The following RBFOX1 variants were observed in gnomAD, a reference collection of about 807,000 sequenced individuals.
RBFOX1 encodes RNA binding protein fox-1 homolog 1.
In RBFOX1, 8 loss-of-function variants were observed where a neutral mutation model predicts 57.7. The observed-to-expected ratio is 0.14, with a 90% CI of 0.08 to 0.25. RBFOX1 has a LOEUF of 0.25. Ranked by LOEUF, RBFOX1 falls within the 10% of genes least tolerant of loss-of-function variation. The pLI, the probability that RBFOX1 is intolerant of heterozygous loss-of-function variation, is 1.00. For missense variants in RBFOX1, 611 were observed against 548.5 expected (o/e 1.11, Z -1.14); for synonymous variants, 326 against 222.4 (o/e 1.47, Z -4.15).
intron 4 of RBFOX1, among the ~76,000 whole-genome samples, chr16:7,296,911 T>A (rs2095904764): frequency 6.6e-6 from 1 of 152,174 alleles, no homozygotes. Flanking sequence ...GTGTTTCTGT[T>A]TACCCTCAAA....
intron 1 of RBFOX1, among the ~76,000 whole-genome samples, chr16:6,078,931 C>G (rs1054644823): frequency 6.6e-6 from 1 of 152,168 alleles, no homozygotes; most frequent in African/African-American, 2.4e-5. Context: ...TCACAGCATC[C>G]CAGTTCATGA....
At chr16:6,630,930 A>T (rs1255910219) in intron 2 of RBFOX1, among the ~76,000 whole-genome samples, 1 of 152,146 alleles carries the variant, frequency 6.6e-6, no homozygotes, top group Non-Finnish European at 1.5e-5. Context: ...GACTTCAATT[A>T]AAAAAATGTT....
intron 3 of RBFOX1, among the ~76,000 whole-genome samples, chr16:7,039,463 A>C (rs906227924): frequency 6.6e-6 from 1 of 152,202 alleles, no homozygotes; most frequent in African/African-American, 2.4e-5. Context: ...AACATGAGAC[A>C]GAATCAAGTT....
chr16:7,169,817 C>T (rs2080317574), intron 4 of RBFOX1, among the ~76,000 whole-genome samples: 1 of 42,462 alleles, frequency 2.4e-5, no homozygotes, highest in South Asian at 1.6e-3. Flanking sequence ...TGCCTGTAAT[C>T]CCTGCACTTT....
chr16:6,838,106 A>G (rs775822603), intron 3 of RBFOX1, among the ~76,000 whole-genome samples: 1 of 151,590 alleles, frequency 6.6e-6, no homozygotes, highest in Non-Finnish European at 1.5e-5. Context: ...GGTTTGCTGC[A>G]CCTATCAACC....
chr16:6,924,697 A>G (rs138502370), intron 3 of RBFOX1, among the ~76,000 whole-genome samples: 2,134 of 151,680 alleles, frequency 0.014, 52 homozygotes, highest in African/African-American at 0.05. Context: ...TATTATTATT[A>G]TACTTTAAGT....
intron 4 of RBFOX1, among the ~76,000 whole-genome samples, chr16:7,196,492 T>C (rs1158889704): frequency 6.6e-6 from 1 of 152,184 alleles, no homozygotes; most frequent in Non-Finnish European, 1.5e-5. Context: ...TTCCCAAACA[T>C]TTAAGAGGCG....
intron 2 of RBFOX1, among the ~76,000 whole-genome samples, chr16:6,394,924 C>T (rs149184778): frequency 6.2e-4 from 94 of 152,286 alleles, no homozygotes; most frequent in African/African-American, 2.0e-3. Context: ...CTGTTTAAAA[C>T]CACTTTTGCT....
At chr16:5,914,618 C>T (rs530686014) in intron 4 of RBFOX1, among the ~76,000 whole-genome samples, 3 of 152,222 alleles carry the variant, frequency 2.0e-5, no homozygotes, top group East Asian at 1.9e-4. Context: ...GGAGAGAGGC[C>T]GGGCGAGGTG....
chr16:5,411,191 C>T (rs145636737), intron 1 of RBFOX1, among the ~76,000 whole-genome samples: 1 of 152,348 alleles, frequency 6.6e-6, no homozygotes, highest in African/African-American at 2.4e-5. Context: ...ACACCTTAAT[C>T]CCCAGAAAGT....
At chr16:5,597,435 G>C (rs532892316) in intron 2 of RBFOX1, among the ~76,000 whole-genome samples, 3 of 134,948 alleles carry the variant, frequency 2.2e-5, no homozygotes, top group Non-Finnish European at 4.6e-5. Context: ...TTTTGATCTC[G>C]TCGCTCAGGC....
At chr16:6,975,201 C>G (rs878869340) in intron 3 of RBFOX1, among the ~76,000 whole-genome samples, 1 of 152,150 alleles carries the variant, frequency 6.6e-6, no homozygotes. Flanking sequence ...AGTGAAGCAT[C>G]TGCCCGACGC....
chr16:7,099,852 C>T (rs1319935851), intron 4 of RBFOX1, among the ~76,000 whole-genome samples: 1 of 152,058 alleles, frequency 6.6e-6, no homozygotes, highest in East Asian at 1.9e-4. Flanking sequence ...TAGGTTTTAT[C>T]GTGCGGTTAC....
intron 1 of RBFOX1, among the ~76,000 whole-genome samples, chr16:6,310,918 AAAG>A (rs1163074741): frequency 6.6e-6 from 1 of 151,800 alleles, no homozygotes; most frequent in Non-Finnish European, 1.5e-5. Flanking sequence ...AAAAAAAAAA[AAAG>A]AACAGAATCC....
intron 2 of RBFOX1, among the ~76,000 whole-genome samples, chr16:6,516,056 G>C (rs573382925): frequency 6.6e-6 from 1 of 151,968 alleles, no homozygotes; most frequent in Non-Finnish European, 1.5e-5. Flanking sequence ...CAGAGCAATG[G>C]TACACTCCAA....
intron 5 of RBFOX1, among the ~76,000 whole-genome samples, chr16:7,538,018 C>T (rs2152437887): frequency 6.6e-6 from 1 of 152,318 alleles, no homozygotes; most frequent in Non-Finnish European, 1.5e-5. Flanking sequence ...AGAGATGAGT[C>T]AGACATTGTC....
At position 7,169,394 on chromosome 16, in the gene RBFOX1, G is replaced by T. The variant is rs59418164; in HGVS notation, c.27+117296G>T. On this transcript the variant is annotated intron_variant, in intron 4 of 15. Coordinates refer to ENST00000550418, the MANE Select transcript of RBFOX1 (RefSeq NM_018723.4). The stretch of plus-strand genomic sequence containing the variant: ...ATTACTTGTTATGGGCCAGGGGTTG[G>T]GGGATCCACTGTGCATTTGCACGAT... Among the ~76,000 whole-genome samples, 46 of 152,180 alleles carry T rather than the reference G, an allele frequency of 3.0e-4. 1 individual carries two copies. The highest frequency in any genetic ancestry group is 1.1e-3 in the African/African-American group (46 of 41,474).
chr16:6,761,385 C>T (rs546035978), intron 3 of RBFOX1, among the ~76,000 whole-genome samples: 2 of 150,946 alleles, frequency 1.3e-5, no homozygotes, highest in Non-Finnish European at 2.9e-5. Flanking sequence ...GTCTTTGCAT[C>T]TCTTATGTTG....
chr16:7,600,615 C>G (rs900577434), intron 9 of RBFOX1, among the ~76,000 whole-genome samples: 1 of 152,192 alleles, frequency 6.6e-6, no homozygotes, highest in African/African-American at 2.4e-5. Context: ...AATTGTACTT[C>G]AGCAAAATTA....
Sources: allele counts gnomAD v4.1 joint callset (sites outside exome capture counted in the v4.1 genomes callset), GRCh38; gene constraint gnomAD v4.1.1; transcripts MANE v1.5; gene names NCBI Gene and HGNC (gene_info 2026-07-23, HGNC 2026-07-21).